Variants in CDK14 observed in about 807,000 individuals in gnomAD.
CDK14 encodes cyclin-dependent kinase 14.
A neutral mutation model predicts 60.7 loss-of-function variants in CDK14; 34 were observed. That is an observed-to-expected ratio of 0.56 (90% confidence interval 0.43 to 0.75). The LOEUF (loss-of-function observed/expected upper bound fraction) is 0.75. CDK14 is among the 30% of genes least tolerant of loss of function. The probability of loss-of-function intolerance (pLI) is 0.00; values close to 1 mark genes in which losing one functional copy is unlikely to be tolerated. For missense variants in CDK14, 482 were observed against 564.1 expected, an observed-to-expected ratio of 0.85 and a Z score of 1.47; for synonymous variants, 197 against 203.7, an observed-to-expected ratio of 0.97 and a Z score of 0.28.
chr7:91,172,710 C>T (rs918724340), intron 14 of CDK14, among the ~76,000 whole-genome samples: 5 of 152,194 alleles, frequency 3.3e-5, no homozygotes, highest in Non-Finnish European at 7.3e-5. Context: ...CTCTCCTGTT[C>T]CACCAGACTG....
intron 14 of CDK14, among the ~76,000 whole-genome samples, chr7:91,173,463 C>A (rs186662589): frequency 1.3e-5 from 2 of 151,772 alleles, no homozygotes; most frequent in Non-Finnish European, 2.9e-5. Context: ...CCAAGATGGC[C>A]GAATAGGAAC....
At chr7:90,774,233 A>AT (rs1188578171) in intron 4 of CDK14, among the ~76,000 whole-genome samples, 3 of 152,148 alleles carry the variant, frequency 2.0e-5, no homozygotes, top group African/African-American at 7.2e-5. Context: ...CCAGTTATAT[A>AT]TAACGCTTAG....
intron 4 of CDK14, among the ~76,000 whole-genome samples, chr7:90,764,556 A>G (rs1804472169): frequency 6.6e-6 from 1 of 152,198 alleles, no homozygotes; most frequent in Non-Finnish European, 1.5e-5. Flanking sequence ...CTAGGATTGC[A>G]ATTTGCATAG....
At chr7:90,661,514 G>C (rs550147027) in intron 2 of CDK14, among the ~76,000 whole-genome samples, 1 of 152,308 alleles carries the variant, frequency 6.6e-6, no homozygotes, top group South Asian at 2.1e-4. Context: ...CAGTGACTGG[G>C]TATGGTCTTT....
At chr7:91,201,037 T>A (rs986877685) in intron 14 of CDK14, among the ~76,000 whole-genome samples, 5 of 152,208 alleles carry the variant, frequency 3.3e-5, no homozygotes, top group Admixed American at 3.3e-4. Context: ...TTATTTATTT[T>A]TATTTCCTTT....
intron 10 of CDK14, among the ~76,000 whole-genome samples, chr7:90,994,469 G>A (rs1054948549): frequency 1.4e-4 from 22 of 152,194 alleles, no homozygotes; most frequent in African/African-American, 5.1e-4. Flanking sequence ...AAGGGAAGGG[G>A]ACATAGATCC....
intron 11 of CDK14, among the ~76,000 whole-genome samples, chr7:91,077,364 G>A (rs905906593): frequency 5.9e-5 from 9 of 152,112 alleles, no homozygotes; most frequent in Non-Finnish European, 1.2e-4. Flanking sequence ...GATGAAGCTG[G>A]AACCCATCAT....
intron 2 of CDK14, among the ~76,000 whole-genome samples, chr7:90,687,736 T>C (rs1406383519): frequency 4.6e-5 from 7 of 152,146 alleles, no homozygotes; most frequent in Admixed American, 3.9e-4. Flanking sequence ...ATTTAAAACA[T>C]AGCATTTTAC....
At chr7:90,808,908 C>A (rs1189955550) in intron 5 of CDK14, among the ~76,000 whole-genome samples, 1 of 152,146 alleles carries the variant, frequency 6.6e-6, no homozygotes, top group Non-Finnish European at 1.5e-5. Context: ...ATCAATTCAA[C>A]AAGAAGAGCT....
chr7:91,142,684 A>C (rs564963634), intron 14 of CDK14, among the ~76,000 whole-genome samples: 1 of 152,362 alleles, frequency 6.6e-6, no homozygotes, highest in South Asian at 2.1e-4. Context: ...AGGGAATCAT[A>C]AAGCTTCATC....
chr7:90,899,385 G>A lies in CDK14; in HGVS notation c.702+32G>A, dbSNP rs142742845. The A allele has an allele frequency of 5.8e-6, 9 of 1,547,164 alleles. No homozygotes were observed. The African/African-American group carries it at 1.1e-4, about 19-fold the overall frequency. Reference sequence around the variant, plus strand: ...AAAGATCTTTTTAAGCCAAAGGTTAGCATTCTTGATGTGTATTTTTTGAAC... The same window carrying A: ...AAAGATCTTTTTAAGCCAAAGGTTAACATTCTTGATGTGTATTTTTTGAAC... On this transcript the variant is annotated intron_variant, in intron 7 of 14. Coordinates refer to ENST00000380050, the MANE Select transcript of CDK14 (RefSeq NM_001287135.2).
chr7:91,122,282 A>G (rs1025633263), intron 14 of CDK14, among the ~76,000 whole-genome samples: 7 of 152,162 alleles, frequency 4.6e-5, no homozygotes, highest in African/African-American at 1.4e-4. Context: ...TTACATGATA[A>G]TGAAAAAAAA....
At chr7:91,203,037 G>A (rs1040586654) in intron 14 of CDK14, among the ~76,000 whole-genome samples, 1 of 152,122 alleles carries the variant, frequency 6.6e-6, no homozygotes, top group African/African-American at 2.4e-5. Context: ...ATATGCCATT[G>A]ACTGTGGTGA....
chr7:91,053,657 A>G (rs697406), intron 11 of CDK14, among the ~76,000 whole-genome samples: 20,469 of 152,202 alleles, frequency 0.13, 1,498 homozygotes, highest in Middle Eastern at 0.17. Context: ...GGAACTGCCC[A>G]CTTTCCTCAT....
At chr7:90,598,905 C>T (rs1799255689) in intron 1 of CDK14, among the ~76,000 whole-genome samples, 1 of 151,094 alleles carries the variant, frequency 6.6e-6, no homozygotes, top group Non-Finnish European at 1.5e-5. Context: ...GGGGTTTCAC[C>T]GTTTTAGCCG....
intron 10 of CDK14, among the ~76,000 whole-genome samples, chr7:91,001,181 G>C (rs1024218672): frequency 3.9e-5 from 6 of 152,016 alleles, no homozygotes; most frequent in African/African-American, 1.2e-4. Flanking sequence ...AATGAAATAG[G>C]CTTTTAAATA....
At chr7:90,733,239 G>T (rs1333452714) in intron 3 of CDK14, among the ~76,000 whole-genome samples, 4 of 152,114 alleles carry the variant, frequency 2.6e-5, no homozygotes, top group African/African-American at 9.7e-5. Context: ...ATTTGCTGAG[G>T]AGTGTTTTAC....
chr7:90,768,699 A>C (rs755775600), intron 4 of CDK14, among the ~76,000 whole-genome samples: 9 of 152,222 alleles, frequency 5.9e-5, no homozygotes, highest in Non-Finnish European at 1.3e-4. Flanking sequence ...ATATTTGACA[A>C]CTAAGCAATT....
chr7:90,747,614 A>T, intron 3 of CDK14, 67 bp from the exon 4 acceptor site: 3 of 871,914 alleles, frequency 3.4e-6, no homozygotes, highest in South Asian at 1.6e-5. Context: ...TTTTTAGCAA[A>T]ATCAGGGTAT....
Sources: allele counts gnomAD v4.1 joint callset (sites outside exome capture counted in the v4.1 genomes callset), GRCh38; gene constraint gnomAD v4.1.1; transcripts MANE v1.5; gene names NCBI Gene and HGNC (gene_info 2026-07-23, HGNC 2026-07-21).